Variants in KDM2B observed in about 807,000 individuals in gnomAD.
The protein encoded by KDM2B is lysine-specific demethylase 2B.
In KDM2B, 26 loss-of-function variants were observed where a neutral mutation model predicts 150.0. That is an observed-to-expected ratio of 0.17 (90% CI 0.13 to 0.24). The LOEUF is 0.24. Among genes scored for constraint, KDM2B ranks in the 10% least tolerant of loss-of-function variants. KDM2B has a pLI of 1.00. For missense variants in KDM2B, 1,265 were observed against 1,816.9 expected (o/e 0.70, Z 5.52); for synonymous variants, 734 against 729.5 (o/e 1.01, Z -0.10).
Position 121,534,510 on chromosome 12 carries a change from A to G in KDM2B, c.764T>C (p.Phe255Ser). Residue 255 changes from phenylalanine to serine, a missense_variant, in exon 7 of 23, where the codon TTC becomes TCC. Phe to Ser is a radical substitution (Grantham distance 155). Transcript: ENST00000377071. The part of the protein sequence containing the change: ...FGGTSVWYHV[F>S]RGGKIFWLIP... ...ACTGAAACTCACCTTCCCACCCCGG[A>G]AAACATGGTACCAAACGGAAGTGCC... 1 of 1,613,874 alleles carries G rather than the reference A, an allele frequency of 6.2e-7. No homozygotes were observed. The highest frequency in any genetic ancestry group is 8.5e-7 in the Non-Finnish European group (1 of 1,179,792).
In KDM2B at chr12:121,445,328, T is replaced by C; in HGVS notation, c.2050A>G (p.Met684Val). 1.2e-6 allele frequency: 2 copies of C among 1,613,934 alleles called. No homozygotes were observed. The highest frequency in any genetic ancestry group is 1.7e-6 in the Non-Finnish European group (2 of 1,179,892). Residue 684 changes from methionine to valine, a missense_variant, in exon 14 of 23, where the codon ATG (methionine) becomes GTG (valine). Met to Val is a conservative substitution (Grantham distance 21). Around this residue, in one of 11 missense-constraint regions of KDM2B, gnomAD observed 30 missense variants for 32.0 expected, o/e 0.94. Transcript: ENST00000377071. ...VEEEEGKFNL[M>V]LMECSICNEI... ...TTGCAGATGGAGCACTCCATGAGCA[T>C]GAGGTTAAACTTGCCTTCCTCCTCT...
chr12:121,523,762 G>A (rs757112665), intron 8 of KDM2B, among the ~76,000 whole-genome samples: 11 of 152,238 alleles, frequency 7.2e-5, no homozygotes, highest in Non-Finnish European at 7.3e-5. Flanking sequence ...GTACAGGCAC[G>A]AGGGCTTTGC....
At chr12:121,539,171 G>A (rs947132707) in intron 6 of KDM2B, among the ~76,000 whole-genome samples, 11 of 151,644 alleles carry the variant, frequency 7.3e-5, no homozygotes, top group South Asian at 4.2e-4. Flanking sequence ...GCGTGATCTC[G>A]TTTCACCCCT....
At chr12:121,553,792 C>A (rs1275071066) in intron 4 of KDM2B, among the ~76,000 whole-genome samples, 1 of 152,092 alleles carries the variant, frequency 6.6e-6, no homozygotes, top group Non-Finnish European at 1.5e-5. Flanking sequence ...TAGGACCCTA[C>A]AACATATTCA....
intron 12 of KDM2B, among the ~76,000 whole-genome samples, chr12:121,483,211 C>T (rs955880346): frequency 6.6e-6 from 1 of 151,274 alleles, no homozygotes; most frequent in Admixed American, 6.6e-5. Context: ...TGCAGTGAAC[C>T]GAGATTGCAC....
chr12:121,490,764 T>C (rs1883258301), intron 12 of KDM2B, among the ~76,000 whole-genome samples: 1 of 152,192 alleles, frequency 6.6e-6, no homozygotes, highest in Admixed American at 6.5e-5. Context: ...AGTAGCATCT[T>C]GGATATGAAG....
chr12:121,428,650 T>A (rs1033256498), downstream of KDM2B, among the ~76,000 whole-genome samples: 1 of 152,206 alleles, frequency 6.6e-6, no homozygotes, highest in Non-Finnish European at 1.5e-5. Flanking sequence ...AGCAGTTGTT[T>A]CTGTATGTGA....
chr12:121,534,723 T>C (rs1887950862), intron 6 of KDM2B, 133 bp from the exon 7 acceptor site: 1 of 649,292 alleles, frequency 1.5e-6, no homozygotes, highest in Admixed American at 2.9e-5. Context: ...TTTTTTCTTC[T>C]TTAAAAATCC....
At chr12:121,546,379 CT>C (rs371614406) in intron 6 of KDM2B, among the ~76,000 whole-genome samples, 109 of 97,476 alleles carry the variant, frequency 1.1e-3, no homozygotes, top group Middle Eastern at 6.9e-3. Flanking sequence ...TTTTTTTTGC[CT>C]TTTTTTTTTT....
intron 2 of KDM2B, among the ~76,000 whole-genome samples, chr12:121,578,413 C>G (rs2136675217): frequency 6.6e-6 from 1 of 152,304 alleles, no homozygotes; most frequent in East Asian, 1.9e-4. Flanking sequence ...CCCAGGGGCG[C>G]CCTGAACCCA....
intron 6 of KDM2B, among the ~76,000 whole-genome samples, chr12:121,548,218 G>A (rs1889217976): frequency 6.6e-6 from 1 of 152,094 alleles, no homozygotes; most frequent in South Asian, 2.1e-4. Flanking sequence ...AGTCAGCAGA[G>A]ATCGTGCCAC....
rs1872842178 is a variant in KDM2B at position 121,430,623 on chromosome 12, A to C, written c.3830-154T>G. The C allele has an allele frequency of 3.2e-6, 2 of 621,890 alleles. No homozygotes were observed. Among genetic ancestry groups the C allele is most frequent in the East Asian group, 5.4e-5 (2 of 37,294 alleles). The allele number at this position is 621,890 out of a possible 1,614,324, so 38.5% of individuals were successfully genotyped here. A position where few individuals can be genotyped will look rare whatever the true frequency, so the allele number is the denominator to read the frequency against. On this transcript the variant is annotated intron_variant, in intron 22 of 22. Transcript: ENST00000377071. This position sits in a 1 kb window ranked among gnomAD's most constrained non-coding sequence, Gnocchi z 4.4. Reference sequence around the variant, plus strand: ...CTAAATAAAATGTTATTTGCTTAAAATCTCTCTTCTTCAAACGGGGAAGGG... The same window carrying C: ...CTAAATAAAATGTTATTTGCTTAAACTCTCTCTTCTTCAAACGGGGAAGGG...
chr12:121,476,826 C>T (rs958295980), intron 12 of KDM2B, among the ~76,000 whole-genome samples: 5 of 152,292 alleles, frequency 3.3e-5, no homozygotes, highest in Admixed American at 3.3e-4. Flanking sequence ...TCCATCAAGA[C>T]ACTCAAAATA....
chr12:121,477,217 A>G (rs1194742126), intron 12 of KDM2B, among the ~76,000 whole-genome samples: 11 of 152,046 alleles, frequency 7.2e-5, no homozygotes, highest in Admixed American at 5.9e-4. Flanking sequence ...CTACAGGCAC[A>G]AAGCCACCAC....
intron 6 of KDM2B, among the ~76,000 whole-genome samples, chr12:121,539,251 T>G (rs1888401111): frequency 7.1e-6 from 1 of 140,260 alleles, no homozygotes; most frequent in Non-Finnish European, 1.5e-5. Flanking sequence ...GAGGACTGCT[T>G]CACCTCACGA....
chr12:121,540,546 C>T, intron 6 of KDM2B, among the ~76,000 whole-genome samples: 1 of 151,462 alleles, frequency 6.6e-6, no homozygotes, highest in East Asian at 1.9e-4. Flanking sequence ...GTCAGGAGTT[C>T]AAGACCAGCC....
chr12:121,423,355 G>A, the KDM2B span: 10 of 1,550,056 alleles, frequency 6.5e-6, no homozygotes, highest in Non-Finnish European at 8.7e-6. The surrounding 1 kb of genome is among the most constrained non-coding windows in gnomAD (Gnocchi z 4.3). Flanking sequence ...CATGCCTGAA[G>A]CCGAGGCCTT....
chr12:121,435,483 G>A (rs782238954), intron 22 of KDM2B, among the ~76,000 whole-genome samples: 4 of 152,184 alleles, frequency 2.6e-5, no homozygotes, highest in Non-Finnish European at 5.9e-5. Context: ...GAAGTGACAT[G>A]TACATTGGAA....
chr12:121,466,884 G>A (rs1166974398), intron 12 of KDM2B, among the ~76,000 whole-genome samples: 1 of 146,192 alleles, frequency 6.8e-6, no homozygotes, highest in Non-Finnish European at 1.5e-5. Flanking sequence ...CCGCCCGACG[G>A]CGAGGCCCGG....
Sources: allele counts gnomAD v4.1 joint callset (sites outside exome capture counted in the v4.1 genomes callset), GRCh38; gene constraint gnomAD v4.1.1; regional missense constraint gnomAD v4.1.1; non-coding constraint Gnocchi (gnomAD v3.1); transcripts MANE v1.5; gene names NCBI Gene and HGNC (gene_info 2026-07-23, HGNC 2026-07-21).